FEZF1: variants seen among roughly 807,000 people sequenced by gnomAD.
The protein encoded by FEZF1 is fez family zinc finger protein 1.
FEZF1 carries 8 observed loss-of-function variants against 32.4 expected under a neutral mutation model. The ratio of observed to expected loss-of-function variants is 0.25; its 90% confidence interval spans 0.15 to 0.45. The LOEUF (loss-of-function observed/expected upper bound fraction) is 0.45, where lower values mean the gene tolerates loss of function less well. FEZF1 is among the 20% of genes least tolerant of loss of function. FEZF1 has a pLI of 1.00. For synonymous variants in FEZF1, 259 were observed against 265.2 expected (o/e 0.98, Z 0.23); for missense variants, 546 against 622.3 (o/e 0.88, Z 1.31).
Position 122,304,566 on chromosome 7 carries a change from TC to T in FEZF1, c.-130del. ...ACCAGTAGCCTCCTCCTCCTCCTCC[TC>T]CCCAGCATCACCAGCCGAACCTGCC... is the stretch of plus-strand genomic sequence containing the variant. On this transcript the variant is annotated 5_prime_UTR_variant, in exon 1 of 4. An upstream open reading frame in the 5' UTR gains an earlier in-frame stop. Coordinates refer to ENST00000442488, the MANE Select transcript of FEZF1 (RefSeq NM_001024613.4). 1 of 683,470 alleles carries T rather than the reference TC, an allele frequency of 1.5e-6. No homozygotes were observed. The highest frequency in any genetic ancestry group is 2.3e-6 in the Non-Finnish European group (1 of 438,054). 42.3% of individuals were successfully genotyped at this position (683,470 alleles called of 1,614,324 possible). A position where few individuals can be genotyped will look rare whatever the true frequency, so the allele number is the denominator to read the frequency against.
At position 122,304,513 on chromosome 7, in the gene FEZF1, T is replaced by A. The variant is rs2031208674; in HGVS notation, c.-76A>T. ...CCTTGTTCCCTGCTTGTCACAGACC[T>A]GCGGAGAGGGGGACGGGCACCATCA... is the stretch of plus-strand genomic sequence containing the variant. On this transcript the variant is annotated 5_prime_UTR_variant, in exon 1 of 4. Transcript: ENST00000442488. 2.3e-6 allele frequency: 3 copies of A among 1,297,416 alleles called. No homozygotes were observed. Among genetic ancestry groups the A allele is most frequent in the Non-Finnish European group, 3.1e-6 (3 of 958,754 alleles). 80.4% of individuals were successfully genotyped at this position (1,297,416 alleles called of 1,614,324 possible).
At chr7:122,303,034 C>CA in intron 2 of FEZF1, 103 bp from the exon 3 acceptor site, 4 of 1,524,094 alleles carry the variant, frequency 2.6e-6, no homozygotes, top group Non-Finnish European at 3.6e-6. Context: ...TCAAGCAGAA[C>CA]AAAAGCAAAC....
In FEZF1 at chr7:122,301,424, T is replaced by C. The variant is rs1384524518; in HGVS notation, c.*573A>G. 1 of 152,214 alleles carries C rather than the reference T, an allele frequency of 6.6e-6. No homozygotes were observed. Among genetic ancestry groups the C allele is most frequent in the East Asian group, 1.9e-4 (1 of 5,196 alleles). The allele number at this position is 152,214 out of a possible 1,614,324, so 9.4% of individuals were successfully genotyped here. ...CATAATGAACCACCCTTATCTAATG[T>C]GTATGGGTGTGTGCTCACGAATGTG... is the stretch of plus-strand genomic sequence containing the variant. On this transcript the variant is annotated 3_prime_UTR_variant, in exon 4 of 4. Transcript: ENST00000442488.
At chr7:122,307,963 A>G (rs571776795), upstream of FEZF1, among the ~76,000 whole-genome samples, 201 of 152,172 alleles carry the variant, frequency 1.3e-3, 1 homozygote, top group Non-Finnish European at 2.5e-3. Context: ...CTAGTACTTT[A>G]TTTCCAAATA....
chr7:122,303,349 A>G, intron 1 of FEZF1, 38 bp from the exon 2 acceptor site: 2 of 1,611,514 alleles, frequency 1.2e-6, no homozygotes, highest in Non-Finnish European at 1.7e-6. Flanking sequence ...TTAGCCGCAC[A>G]AGTAACTTTG....
At position 122,304,480 on chromosome 7, in the gene FEZF1, G is replaced by C; in HGVS notation, c.-43C>G. The stretch of plus-strand genomic sequence containing the variant: ...CCGTCAGCCGGGGCTGGGTTGCGCC[G>C]TCCGTTGCCTTGTTCCCTGCTTGTC... On this transcript the variant is annotated 5_prime_UTR_variant, in exon 1 of 4. Coordinates refer to ENST00000442488, the MANE Select transcript of FEZF1 (RefSeq NM_001024613.4). 1 of 1,493,238 alleles carries C rather than the reference G, an allele frequency of 6.7e-7. No individual in the cohort carries two copies. Among genetic ancestry groups the C allele is most frequent in the East Asian group, 2.4e-5 (1 of 42,446 alleles). 92.5% of individuals were successfully genotyped at this position (1,493,238 alleles called of 1,614,324 possible). A position where few individuals can be genotyped will look rare whatever the true frequency, so the allele number is the denominator to read the frequency against.
chr7:122,306,736 A>T (rs1441519472), upstream of FEZF1: 1 of 152,308 alleles, frequency 6.6e-6, no homozygotes, highest in Non-Finnish European at 1.5e-5. Flanking sequence ...GAGGACAGCC[A>T]AGGGGCAAGA....
rs74961049 is a variant in FEZF1, at chr7:122,303,842, G to C, written c.596C>G (p.Ala199Gly). 3.1e-6 allele frequency: 5 copies of C among 1,614,200 alleles called. No homozygotes were observed. The East Asian group carries it at 1.1e-4, about 36-fold the overall frequency. ...CGGGACCACCAGTTTATTCCTTTCGGCTAAATACGTTTTTGGCTGCGGGTG... is the reference window on the plus strand; with the variant it reads ...CGGGACCACCAGTTTATTCCTTTCGCCTAAATACGTTTTTGGCTGCGGGTG... ...PLHPQPKTYLAERNKLVVPAV... is the reference protein window; with the variant it reads ...PLHPQPKTYLGERNKLVVPAV... The change falls in exon 1 of 4, where the codon GCC becomes GGC. Residue 199 changes from alanine (A) to glycine (G), a missense_variant. By Grantham distance (60) the Ala-to-Gly change is moderately conservative (BLOSUM62 0). This residue lies in a region of FEZF1 where 345 missense variants were observed against 360.6 expected (regional missense o/e 0.96). Coordinates refer to ENST00000442488, the MANE Select transcript of FEZF1 (RefSeq NM_001024613.4).
chr7:122,305,116 C>G (rs553104108), upstream of FEZF1: 6 of 152,366 alleles, frequency 3.9e-5, no homozygotes, highest in East Asian at 1.2e-3. Context: ...CAGGGGCAAA[C>G]GCCAGGCTAT....
In FEZF1 at chr7:122,304,179, T is replaced by C. The variant is rs140478550; in HGVS notation, c.259A>G (p.Lys87Glu). ...FVPVAYDTSP[K>E]AGVTGSEPRK... ...GGCTCGGAGCCCGTCACTCCTGCCT[T>C]GGGGCTCGTGTCGTAGGCCACAGGC... The change falls in exon 1 of 4, where the codon AAG becomes GAG. Residue 87 changes from lysine to glutamate, a missense_variant. Around this residue, in one of 3 missense-constraint regions of FEZF1, gnomAD observed 345 missense variants for 360.6 expected, o/e 0.96. Transcript: ENST00000442488. 4.3e-5 allele frequency: 68 copies of C among 1,599,272 alleles called. No homozygotes were observed. The African/African-American group carries it at 6.7e-4, about 16-fold the overall frequency.
rs767104973 is a variant in FEZF1 at position 122,302,062 on chromosome 7, G to A, written c.1363C>T (p.Pro455Ser). 14 of 1,606,648 alleles carry A rather than the reference G, an allele frequency of 8.7e-6. No homozygotes were observed. The highest frequency in any genetic ancestry group is 1.2e-5 in the Non-Finnish European group (14 of 1,178,664). The change falls in exon 4 of 4, where the codon CCT becomes TCT. Residue 455 changes from proline to serine, a missense_variant. Pro to Ser is a moderately conservative substitution (Grantham distance 74). Around this residue, in one of 3 missense-constraint regions of FEZF1, gnomAD observed 83 missense variants for 73.0 expected, o/e 1.14. Coordinates refer to ENST00000442488, the MANE Select transcript of FEZF1 (RefSeq NM_001024613.4). This position sits in a 1 kb window ranked among gnomAD's most constrained non-coding sequence, Gnocchi z 4.4. ...GGGGTTGGCAGCGGCGGCTGCAGAG[G>A]AGGCAGCGTCATCGGCGGCTGCTGC... Reference protein sequence around the residue: ...LPQQPPMTLPPLQPPLPTPGP... With the variant: ...LPQQPPMTLPSLQPPLPTPGP...
At position 122,302,911 on chromosome 7, in the gene FEZF1, G is replaced by A. The variant is rs1563041626; in HGVS notation, c.957C>T (p.Asn319=). 2 of 1,610,892 alleles carry A rather than the reference G, an allele frequency of 1.2e-6. No homozygotes were observed. Among genetic ancestry groups the A allele is most frequent in the Non-Finnish European group, 8.5e-7 (1 of 1,178,440 alleles). Residue 319 remains asparagine (N), a synonymous_variant, in exon 3 of 4, where the codon AAC becomes AAT. Transcript: ENST00000442488. The surrounding 1 kb of genome is among the most constrained non-coding windows in gnomAD (Gnocchi z 4.4). ...TTCTATTAAATGCTTTGCCACACTG[G>A]TTACATTTGTGAGGTTTTTCCTAAG... The part of the protein sequence containing the change: ...IHTQEKPHKC[N]QCGKAFNRSS...
chr7:122,303,502 GAAGGA>G, intron 1 of FEZF1, 130 bp downstream of exon 1: 2 of 540,256 alleles, frequency 3.7e-6, no homozygotes, highest in South Asian at 4.4e-5. Flanking sequence ...AGGAAGGAAG[GAAGGA>G]AGGAAGGAAG....
At chr7:122,309,227 A>G (rs934497405), upstream of FEZF1, among the ~76,000 whole-genome samples, 3 of 152,208 alleles carry the variant, frequency 2.0e-5, no homozygotes, top group African/African-American at 7.2e-5. Flanking sequence ...GCAAATAAAG[A>G]ATTTTTGCTA....
chr7:122,303,635 G>A lies in FEZF1; in HGVS notation c.801+2C>T, dbSNP rs746824820. The A allele has an allele frequency of 1.2e-6, 2 of 1,612,414 alleles. No homozygotes were observed. The highest frequency in any genetic ancestry group is 1.7e-6 in the Non-Finnish European group (2 of 1,179,008). On this transcript the variant is annotated splice_donor_variant, in intron 1 of 3. Coordinates refer to ENST00000442488, the MANE Select transcript of FEZF1 (RefSeq NM_001024613.4). LOFTEE classifies it low-confidence loss of function (GC_TO_GT_DONOR). The stretch of plus-strand genomic sequence containing the variant: ...AGGATCTCCGTTTTGCATTGTACTT[G>A]CCTTTCCACACACTTCGCAAGTGAA...
In FEZF1 at chr7:122,302,377, A is replaced by G; in HGVS notation, c.1070-22T>C. The G allele has an allele frequency of 6.2e-7, 1 of 1,611,484 alleles. No individual in the cohort carries two copies. Among genetic ancestry groups the G allele is most frequent in the Non-Finnish European group, 8.5e-7 (1 of 1,179,884 alleles). On this transcript the variant is annotated intron_variant, in intron 3 of 3. Transcript: ENST00000442488. The surrounding 1 kb of genome is among the most constrained non-coding windows in gnomAD (Gnocchi z 4.4). ...TTCCCTGAAACACACAAATGACAGG[A>G]ATATGGTTCTGAAAAAAAAAATAGC... is the stretch of plus-strand genomic sequence containing the variant.
Position 122,304,374 on chromosome 7 carries a change from T to G in FEZF1, c.64A>C (p.Met22Leu). ...MLATAPARGN[M>L]MSTSKPLAFS... is the part of the protein sequence containing the mutation. ...GCCAAGGGTTTGGACGTGCTCATCA[T>G]GTTGCCCCGAGCTGGAGCAGTCGCT... Residue 22 changes from methionine (M) to leucine (L), a missense_variant, in exon 1 of 4, where the codon ATG (methionine) becomes CTG (leucine). Met to Leu is a conservative substitution (Grantham distance 15). Around this residue, in one of 3 missense-constraint regions of FEZF1, gnomAD observed 345 missense variants for 360.6 expected, o/e 0.96. Transcript: ENST00000442488. 6.2e-7 allele frequency: 1 copy of G among 1,601,460 alleles called. No individual in the cohort carries two copies. The highest frequency in any genetic ancestry group is 8.5e-7 in the Non-Finnish European group (1 of 1,171,400).
upstream of FEZF1, among the ~76,000 whole-genome samples, chr7:122,309,143 T>G (rs2031359188): frequency 6.6e-6 from 1 of 152,178 alleles, no homozygotes. Context: ...GAACTAACTT[T>G]CCAACACGTT....
chr7:122,303,595 A>T, intron 1 of FEZF1, 42 bp downstream of exon 1: 1 of 1,312,604 alleles, frequency 7.6e-7, no homozygotes, highest in Non-Finnish European at 1.1e-6. Context: ...GGAAGGAAGG[A>T]AGGGAGGGAA....
Sources: gnomAD v4.1 joint callset for allele counts (sites outside exome capture counted in the v4.1 genomes callset) on GRCh38, gnomAD v4.1.1 for gene constraint, gnomAD v4.1.1 regional missense constraint, Gnocchi (gnomAD v3.1) non-coding constraint, MANE v1.5 for transcripts, NCBI Gene and HGNC (gene_info 2026-07-23, HGNC 2026-07-21) for gene names.